Variants in SLC25A12 observed in about 807,000 individuals in gnomAD.
The protein encoded by SLC25A12 is solute carrier family 25 member 12.
A neutral mutation model predicts 83.3 loss-of-function variants in SLC25A12; 32 were observed. The observed-to-expected ratio is 0.38, with a 90% CI of 0.29 to 0.52. The LOEUF is 0.52. Ranked by LOEUF, SLC25A12 falls within the 20% of genes least tolerant of loss-of-function variation. The probability of loss-of-function intolerance (pLI) is 0.84; values close to 1 mark genes in which losing one functional copy is unlikely to be tolerated. For synonymous variants in SLC25A12, 267 were observed against 291.1 expected (o/e 0.92, Z 0.84); for missense variants, 611 against 835.6 (o/e 0.73, Z 3.31).
At chr2:171,812,610 C>T (rs1024182331) in intron 11 of SLC25A12, among the ~76,000 whole-genome samples, 14 of 119,778 alleles carry the variant, frequency 1.2e-4, no homozygotes, top group African/African-American at 3.6e-4. Context: ...CAAGTTCCTA[C>T]AAAGACAACG....
intron 2 of SLC25A12, among the ~76,000 whole-genome samples, chr2:171,890,805 C>A (rs1685917083): frequency 6.6e-6 from 1 of 152,134 alleles, no homozygotes; most frequent in South Asian, 2.1e-4. Flanking sequence ...TTTCTTGCTG[C>A]GTTAGGCCTT....
At chr2:171,827,530 G>A (rs918772382) in intron 8 of SLC25A12, among the ~76,000 whole-genome samples, 2 of 152,134 alleles carry the variant, frequency 1.3e-5, no homozygotes, top group Non-Finnish European at 2.9e-5. Flanking sequence ...TTCAGCCTCC[G>A]ATTGGTTGTG....
chr2:171,793,792 G>A lies in SLC25A12; in HGVS notation c.1306-25C>T, dbSNP rs375662526. 41 of 1,613,876 alleles carry A rather than the reference G, an allele frequency of 2.5e-5. No individual in the cohort carries two copies. The African/African-American group carries it at 4.7e-4, about 18-fold the overall frequency. ...CCTGTAGGCAAGGGAGAAGAGACAGGCAGATTCCACATCAGAGCCCGACTG... is the reference window on the plus strand; with the variant it reads ...CCTGTAGGCAAGGGAGAAGAGACAGACAGATTCCACATCAGAGCCCGACTG... On this transcript the variant is annotated intron_variant, in intron 13 of 17. Transcript: ENST00000422440.
At chr2:171,889,812 A>G (rs951510260) in intron 2 of SLC25A12, among the ~76,000 whole-genome samples, 2 of 152,198 alleles carry the variant, frequency 1.3e-5, no homozygotes, top group Admixed American at 1.3e-4. Flanking sequence ...ATCTGGCTCT[A>G]CCACATAGTC....
chr2:171,837,093 A>G, intron 6 of SLC25A12, 28 bp downstream of exon 6: 1 of 1,612,116 alleles, frequency 6.2e-7, no homozygotes, highest in Non-Finnish European at 8.5e-7. Flanking sequence ...GAGGAAATAG[A>G]AAGTTAAAGA....
chr2:171,853,502 G>A (rs914467192), intron 4 of SLC25A12, among the ~76,000 whole-genome samples: 4 of 152,156 alleles, frequency 2.6e-5, no homozygotes, highest in East Asian at 3.8e-4. Flanking sequence ...CAACATGGGC[G>A]AAGCCCCGTC....
chr2:171,803,791 C>T (rs753815758), intron 13 of SLC25A12, among the ~76,000 whole-genome samples: 6 of 143,382 alleles, frequency 4.2e-5, no homozygotes, highest in Non-Finnish European at 4.5e-5. Context: ...TAGTGAGACG[C>T]TACCATTATT....
At chr2:171,789,431 T>C (rs945002668) in intron 15 of SLC25A12, among the ~76,000 whole-genome samples, 32 of 152,106 alleles carry the variant, frequency 2.1e-4, no homozygotes, top group African/African-American at 7.7e-4. Flanking sequence ...GGTTTCACCG[T>C]GTTAGCCAGG....
chr2:171,786,234 A>T (rs192328959), intron 17 of SLC25A12, among the ~76,000 whole-genome samples: 4,070 of 151,340 alleles, frequency 0.027, 61 homozygotes, highest in Middle Eastern at 0.037. Context: ...AAAAAAAAAA[A>T]TTAGCCAGGC....
chr2:171,801,440 T>A (rs1683705708), intron 13 of SLC25A12, among the ~76,000 whole-genome samples: 2 of 152,198 alleles, frequency 1.3e-5, no homozygotes, highest in Non-Finnish European at 2.9e-5. Flanking sequence ...AAGGTACTAT[T>A]TTTGCCCACA....
chr2:171,791,081 G>A (rs1170178130), intron 15 of SLC25A12, among the ~76,000 whole-genome samples: 1 of 152,020 alleles, frequency 6.6e-6, no homozygotes, highest in Non-Finnish European at 1.5e-5. Context: ...CTGTGCATGA[G>A]CATGAGATAC....
At chr2:171,823,357 A>T (rs1486887616) in intron 9 of SLC25A12, among the ~76,000 whole-genome samples, 1 of 152,212 alleles carries the variant, frequency 6.6e-6, no homozygotes, top group Non-Finnish European at 1.5e-5. Context: ...GGCTTCTCAG[A>T]AATACATGAA....
At chr2:171,892,754 G>GT (rs1343449313) in intron 2 of SLC25A12, among the ~76,000 whole-genome samples, 2 of 152,002 alleles carry the variant, frequency 1.3e-5, no homozygotes, top group African/African-American at 4.8e-5. Context: ...TACAATGTAA[G>GT]TAAGACACAC....
chr2:171,840,953 A>C (rs1170150539), intron 5 of SLC25A12, among the ~76,000 whole-genome samples: 1 of 152,252 alleles, frequency 6.6e-6, no homozygotes, highest in Non-Finnish European at 1.5e-5. Flanking sequence ...GCACTGTGGC[A>C]ACACTGGAAA....
intron 3 of SLC25A12, chr2:171,856,504 C>T (rs1685048659): frequency 6.5e-6 from 1 of 153,558 alleles, no homozygotes; most frequent in Non-Finnish European, 1.4e-5. Flanking sequence ...AACATGTTCA[C>T]TACCACCACA....
chr2:171,877,648 G>A (rs1264744333), intron 2 of SLC25A12, among the ~76,000 whole-genome samples: 3 of 144,362 alleles, frequency 2.1e-5, no homozygotes, highest in Admixed American at 1.4e-4. Context: ...CAGCCTGGGC[G>A]ACCAGAAGAA....
At chr2:171,851,509 AAG>A (rs377448282) in intron 4 of SLC25A12, among the ~76,000 whole-genome samples, 34,231 of 149,290 alleles carry the variant, frequency 0.23, 4,989 homozygotes, top group Middle Eastern at 0.34. Context: ...AAAAAAAAAA[AAG>A]GATTAAATCT....
chr2:171,891,539 G>A (rs954558719), intron 2 of SLC25A12, among the ~76,000 whole-genome samples: 2 of 152,200 alleles, frequency 1.3e-5, no homozygotes, highest in African/African-American at 2.4e-5. Context: ...AAGGGTACAA[G>A]AACCAGATAA....
At position 171,785,020 on chromosome 2, in the gene SLC25A12, G is replaced by C; in HGVS notation, c.*254C>G. The C allele has an allele frequency of 2.2e-6, 1 of 445,964 alleles. No individual in the cohort carries two copies. The highest frequency in any genetic ancestry group is 2.1e-5 in the South Asian group (1 of 48,430). The allele number at this position is 445,964 out of a possible 1,614,324, so 27.6% of individuals were successfully genotyped here. A position where few individuals can be genotyped will look rare whatever the true frequency, so the allele number is the denominator to read the frequency against. On this transcript the variant is annotated 3_prime_UTR_variant, in exon 18 of 18. Coordinates refer to ENST00000422440, the MANE Select transcript of SLC25A12 (RefSeq NM_003705.5). Reference sequence around the variant, plus strand: ...GTAAGTGCAAGCTGTGCAAAGCAGAGTCTAGAACACTAATTCATGCCAAGG... The same window carrying C: ...GTAAGTGCAAGCTGTGCAAAGCAGACTCTAGAACACTAATTCATGCCAAGG...
Sources: gnomAD v4.1 joint callset for allele counts (sites outside exome capture counted in the v4.1 genomes callset) on GRCh38, gnomAD v4.1.1 for gene constraint, MANE v1.5 for transcripts, NCBI Gene and HGNC (gene_info 2026-07-23, HGNC 2026-07-21) for gene names.